The following UBE2V2 variants were observed in gnomAD, a reference collection of about 807,000 sequenced individuals.
UBE2V2 encodes the protein ubiquitin-conjugating enzyme E2 variant 2.
A neutral mutation model predicts 17.2 loss-of-function variants in UBE2V2; 9 were observed. The observed-to-expected ratio is 0.52, with a 90% CI of 0.32 to 0.91. UBE2V2 has a LOEUF of 0.91. Among genes scored for constraint, UBE2V2 ranks in the 40% least tolerant of loss-of-function variants. The pLI is 0.04. For missense variants in UBE2V2, 133 were observed against 182.6 expected (o/e 0.73, Z 1.56); for synonymous variants, 61 against 57.5 (o/e 1.06, Z -0.28).
At chr8:48,012,574 C>T (rs1406395762) in intron 1 of UBE2V2, among the ~76,000 whole-genome samples, 1 of 151,718 alleles carries the variant, frequency 6.6e-6, no homozygotes, top group Non-Finnish European at 1.5e-5. Context: ...CAAAATTATC[C>T]GGGCGTGGTG....
chr8:48,023,585 G>A (rs1563851188), intron 1 of UBE2V2, among the ~76,000 whole-genome samples: 1 of 152,120 alleles, frequency 6.6e-6, no homozygotes, highest in Non-Finnish European at 1.5e-5. Context: ...TCAGTGTTCA[G>A]GCTGGGCGCG....
At chr8:48,015,652 C>T (rs1203946029) in intron 1 of UBE2V2, among the ~76,000 whole-genome samples, 2 of 152,102 alleles carry the variant, frequency 1.3e-5, no homozygotes, top group African/African-American at 2.4e-5. Flanking sequence ...CCCCCGTAAC[C>T]CCAACCATCC....
At chr8:48,042,503 G>C (rs890539177) in intron 1 of UBE2V2, 10 of 150,966 alleles carry the variant, frequency 6.6e-5, no homozygotes, top group Admixed American at 3.3e-4. Flanking sequence ...GTTTTCACAT[G>C]CCCCTCACAT....
intron 1 of UBE2V2, among the ~76,000 whole-genome samples, chr8:48,011,230 C>G (rs1426529250): frequency 6.6e-6 from 1 of 151,964 alleles, no homozygotes; most frequent in Non-Finnish European, 1.5e-5. Flanking sequence ...TGCAATGGTG[C>G]GATCTCGGCT....
At chr8:48,043,249 A>G (rs2091476418) in intron 2 of UBE2V2, 68 bp downstream of exon 2, 13 of 1,174,328 alleles carry the variant, frequency 1.1e-5, no homozygotes, top group East Asian at 2.9e-5. Flanking sequence ...ATTTTATACT[A>G]TTGATATTAA....
At chr8:48,058,359 T>C (rs1267520457) in intron 3 of UBE2V2, among the ~76,000 whole-genome samples, 1 of 151,804 alleles carries the variant, frequency 6.6e-6, no homozygotes, top group Non-Finnish European at 1.5e-5. Flanking sequence ...TCCTAGCTAC[T>C]TGGGAGGCTG....
upstream of UBE2V2, among the ~76,000 whole-genome samples, chr8:48,005,678 C>G (rs1180084718): frequency 6.6e-6 from 1 of 152,212 alleles, no homozygotes; most frequent in African/African-American, 2.4e-5. Flanking sequence ...TCTCCAGCAT[C>G]TGTTGTTTCC....
chr8:48,035,634 TGTG>T lies in UBE2V2; in HGVS notation c.17-7398_17-7396del, dbSNP rs1563854637. 1.9e-4 allele frequency among the ~76,000 whole-genome samples: 25 copies of T among 128,240 alleles called. 1 individual carries two copies. The highest frequency in any genetic ancestry group is 4.3e-4 in the African/African-American group (13 of 30,098). The allele number at this position is 128,240 out of a possible 152,430, so 84.1% of individuals were successfully genotyped here. A position where few individuals can be genotyped will look rare whatever the true frequency, so the allele number is the denominator to read the frequency against. On this transcript the variant is annotated intron_variant, in intron 1 of 3. Coordinates refer to ENST00000523111, the MANE Select transcript of UBE2V2 (RefSeq NM_003350.3). The stretch of plus-strand genomic sequence containing the variant: ...AAAAATTATTGTTTTTTTTTTTTTG[TGTG>T]TGTGTGTGTGTGTGTGTGTGTGTAT...
intron 1 of UBE2V2, among the ~76,000 whole-genome samples, chr8:48,019,019 T>A (rs974253833): frequency 3.3e-5 from 5 of 151,338 alleles, no homozygotes; most frequent in African/African-American, 1.2e-4. Flanking sequence ...TCACTTGAGA[T>A]CAGGAGTTCA....
chr8:48,038,559 A>C (rs1589859931), intron 1 of UBE2V2, among the ~76,000 whole-genome samples: 1 of 150,460 alleles, frequency 6.6e-6, no homozygotes, highest in Non-Finnish European at 1.5e-5. Flanking sequence ...GCTCACTACA[A>C]CCTCTGCCTC....
At chr8:48,000,142 G>C in the UBE2V2 span, among the ~76,000 whole-genome samples, 1 of 152,178 alleles carries the variant, frequency 6.6e-6, no homozygotes, top group South Asian at 2.1e-4. Context: ...GCAGAAATTG[G>C]GCATAAGACA....
rs751982621 is a variant in UBE2V2, at chr8:48,008,483, GC to G, written c.16+15del. The G allele has an allele frequency of 7.0e-6, 11 of 1,566,800 alleles. No homozygotes were observed. In the Admixed American group the frequency reaches 1.8e-4, roughly 26 times the overall value. On this transcript the variant is annotated intron_variant, in intron 1 of 3. Coordinates refer to ENST00000523111, the MANE Select transcript of UBE2V2 (RefSeq NM_003350.3). ...GCGGTCTCCACAGGTCGGTTCCCGG[GC>G]CGGGCTGCGTGATTTTCCGCTCCGA...
At chr8:48,048,263 A>G (rs1159170880) in intron 2 of UBE2V2, among the ~76,000 whole-genome samples, 1 of 152,180 alleles carries the variant, frequency 6.6e-6, no homozygotes, top group Non-Finnish European at 1.5e-5. Flanking sequence ...GTGTTATCTC[A>G]TGTAGTAGGA....
chr8:47,997,866 T>G, the UBE2V2 span, among the ~76,000 whole-genome samples: 1 of 151,316 alleles, frequency 6.6e-6, no homozygotes. Context: ...TGGTGGAGGA[T>G]TAGGATGTTG....
chr8:48,001,565 C>A, the UBE2V2 span, among the ~76,000 whole-genome samples: 1 of 152,088 alleles, frequency 6.6e-6, no homozygotes, highest in African/African-American at 2.4e-5. Flanking sequence ...TGCCACTGCA[C>A]TCCAGGCTGG....
At chr8:48,046,143 G>A (rs1233937195) in intron 2 of UBE2V2, among the ~76,000 whole-genome samples, 3 of 151,290 alleles carry the variant, frequency 2.0e-5, no homozygotes, top group Admixed American at 6.6e-5. Context: ...TTTTTGAGAC[G>A]GAGTCTTGCT....
chr8:48,037,061 C>T (rs918954187), intron 1 of UBE2V2, among the ~76,000 whole-genome samples: 1 of 152,172 alleles, frequency 6.6e-6, no homozygotes, highest in Non-Finnish European at 1.5e-5. Flanking sequence ...CACCTGTAAT[C>T]CCAGCTACTT....
At chr8:48,000,596 C>T in the UBE2V2 span, among the ~76,000 whole-genome samples, 7 of 151,840 alleles carry the variant, frequency 4.6e-5, no homozygotes, top group African/African-American at 1.2e-4. Context: ...CCGAGGTGGG[C>T]AGATCACGAG....
chr8:48,031,813 T>C (rs2091385113), intron 1 of UBE2V2, among the ~76,000 whole-genome samples: 1 of 152,040 alleles, frequency 6.6e-6, no homozygotes, highest in Non-Finnish European at 1.5e-5. Flanking sequence ...TCTCGGCTAA[T>C]TTTTTGTATT....
Sources: gnomAD v4.1 joint callset for allele counts (sites outside exome capture counted in the v4.1 genomes callset) on GRCh38, gnomAD v4.1.1 for gene constraint, MANE v1.5 for transcripts, NCBI Gene and HGNC (gene_info 2026-07-23, HGNC 2026-07-21) for gene names.